N4BP2L2: variants seen among roughly 807,000 people sequenced by gnomAD.
The protein encoded by N4BP2L2 is NEDD4 binding protein 2 like 2.
Under a neutral mutation model 56.2 loss-of-function variants are expected in N4BP2L2, and 50 were observed. The observed-to-expected ratio is 0.89, with a 90% CI of 0.71 to 1.13. The LOEUF (loss-of-function observed/expected upper bound fraction) is 1.13, where lower values mean the gene tolerates loss of function less well. Among genes scored for constraint, N4BP2L2 ranks in the 50% most tolerant of loss-of-function variants. N4BP2L2 has a pLI of 0.00. For synonymous variants in N4BP2L2, 203 were observed against 223.6 expected (o/e 0.91, Z 0.82); for missense variants, 689 against 693.8 (o/e 0.99, Z 0.08).
intron 6 of N4BP2L2, among the ~76,000 whole-genome samples, chr13:32,454,948 T>C (rs2078708799): frequency 6.6e-6 from 1 of 152,162 alleles, no homozygotes. Context: ...AAAGGGTCAA[T>C]GACCACAGAC....
At chr13:32,439,015 A>T (rs2075863406) in intron 7 of N4BP2L2, among the ~76,000 whole-genome samples, 1 of 152,238 alleles carries the variant, frequency 6.6e-6, no homozygotes, top group African/African-American at 2.4e-5. Context: ...ATCGCTTCGT[A>T]GCCTCTACTT....
chr13:32,537,412 A>G (rs1175349078), intron 1 of N4BP2L2, among the ~76,000 whole-genome samples: 1 of 152,100 alleles, frequency 6.6e-6, no homozygotes, highest in Non-Finnish European at 1.5e-5. Context: ...GGAGAGTGAA[A>G]CCGCCAACAC....
chr13:32,471,389 C>T (rs9595574), intron 6 of N4BP2L2, among the ~76,000 whole-genome samples: 5,484 of 152,278 alleles, frequency 0.036, 337 homozygotes, highest in African/African-American at 0.12. Flanking sequence ...AGGGTGCAGG[C>T]GCATACTCCA....
chr13:32,437,514 C>T (rs2075663846), intron 8 of N4BP2L2, among the ~76,000 whole-genome samples: 1 of 152,206 alleles, frequency 6.6e-6, no homozygotes, highest in African/African-American at 2.4e-5. Flanking sequence ...CAGCCACCCC[C>T]ACTAGGTTAG....
intron 6 of N4BP2L2, among the ~76,000 whole-genome samples, chr13:32,468,980 G>A (rs1393137103): frequency 6.6e-6 from 1 of 152,226 alleles, no homozygotes; most frequent in Non-Finnish European, 1.5e-5. Flanking sequence ...TGAGATAAAG[G>A]TAGACAGTGT....
At chr13:32,472,925 G>T (rs1285972514) in intron 6 of N4BP2L2, among the ~76,000 whole-genome samples, 1 of 152,168 alleles carries the variant, frequency 6.6e-6, no homozygotes, top group African/African-American at 2.4e-5. Flanking sequence ...GGGATGTGTT[G>T]TAAGTCTAAA....
chr13:32,507,867 A>G (rs1287979748), downstream of N4BP2L2: 3 of 152,192 alleles, frequency 2.0e-5, no homozygotes, highest in Non-Finnish European at 4.4e-5. Flanking sequence ...GGCAAAAATA[A>G]AAGTGGGGAG....
exon 7 of N4BP2L2, chr13:32,442,598 T>C (rs1476891065): frequency 1.2e-6 from 2 of 1,613,960 alleles, no homozygotes; most frequent in Non-Finnish European, 1.7e-6. Flanking sequence ...GAGCACGAAG[T>C]ATCAGGATGA....
At chr13:32,498,964 G>C (rs1417753701) in intron 6 of N4BP2L2, among the ~76,000 whole-genome samples, 1 of 136,116 alleles carries the variant, frequency 7.3e-6, no homozygotes, top group African/African-American at 2.8e-5. Context: ...ACTCCAGACT[G>C]GGTGACAGAG....
chr13:32,458,593 A>G (rs1419173810), intron 6 of N4BP2L2, among the ~76,000 whole-genome samples: 1 of 152,202 alleles, frequency 6.6e-6, no homozygotes, highest in African/African-American at 2.4e-5. Flanking sequence ...ATATAATAAT[A>G]CTAAATATGT....
chr13:32,463,530 G>A (rs1170859099), intron 6 of N4BP2L2, among the ~76,000 whole-genome samples: 1 of 151,512 alleles, frequency 6.6e-6, no homozygotes, highest in Non-Finnish European at 1.5e-5. Flanking sequence ...CAGGCATGGT[G>A]GCAGGCGCCT....
At chr13:32,481,118 C>CAAAA (rs60854435) in intron 6 of N4BP2L2, among the ~76,000 whole-genome samples, 761 of 20,696 alleles carry the variant, frequency 0.037, 175 homozygotes, top group East Asian at 0.097. Context: ...GACTCTGTCT[C>CAAAA]AAAAAAAAAA....
chr13:32,508,736 GAT>G (rs1280305029), downstream of N4BP2L2: 1 of 152,110 alleles, frequency 6.6e-6, no homozygotes, highest in African/African-American at 2.4e-5. Context: ...GCTGAATACA[GAT>G]AAATATGTGA....
chr13:32,471,447 G>C (rs985851755), intron 6 of N4BP2L2, among the ~76,000 whole-genome samples: 1 of 152,242 alleles, frequency 6.6e-6, no homozygotes, highest in African/African-American at 2.4e-5. Context: ...CTCGGAGCCA[G>C]TATTGTTTGA....
intron 6 of N4BP2L2, among the ~76,000 whole-genome samples, chr13:32,475,411 A>G (rs77008902): frequency 0.058 from 8,758 of 152,266 alleles, 846 homozygotes; most frequent in African/African-American, 0.2. Context: ...GAGGGTCTCC[A>G]AACAGAAAAA....
intron 7 of N4BP2L2, chr13:32,438,877 G>T: frequency 1.6e-6 from 1 of 613,548 alleles, no homozygotes; most frequent in Non-Finnish European, 2.9e-6. Flanking sequence ...GATGTCTAAA[G>T]CTGGAGTTTG....
At chr13:32,500,537 C>A (rs34916533) in intron 6 of N4BP2L2, among the ~76,000 whole-genome samples, 36,666 of 130,878 alleles carry the variant, frequency 0.28, 6,110 homozygotes, top group Non-Finnish European at 0.37. Flanking sequence ...TGTAGAGATC[C>A]TGTCTCTACA....
chr13:32,498,867 A>ACACCTG (rs1422859394), intron 6 of N4BP2L2, among the ~76,000 whole-genome samples: 1 of 150,946 alleles, frequency 6.6e-6, no homozygotes, highest in Non-Finnish European at 1.5e-5. Context: ...AGGGTGGCAC[A>ACACCTG]CACCTGCAGT....
chr13:32,470,659 T>C (rs1210099084), intron 6 of N4BP2L2, among the ~76,000 whole-genome samples: 2 of 152,224 alleles, frequency 1.3e-5, no homozygotes, highest in Non-Finnish European at 2.9e-5. Context: ...GCAGGACAGA[T>C]GACTTACCCA....
Sources: allele counts gnomAD v4.1 joint callset (sites outside exome capture counted in the v4.1 genomes callset), GRCh38; gene constraint gnomAD v4.1.1; transcripts MANE v1.5; gene names NCBI Gene and HGNC (gene_info 2026-07-23, HGNC 2026-07-21).